The following ZC3H7A variants were observed in gnomAD, a reference collection of about 807,000 sequenced individuals.
ZC3H7A encodes the protein zinc finger CCCH domain-containing protein 7A.
A neutral mutation model predicts 125.5 loss-of-function variants in ZC3H7A; 44 were observed. That is an observed-to-expected ratio of 0.35 (90% CI 0.28 to 0.45). The LOEUF is 0.45. ZC3H7A is among the 20% of genes least tolerant of loss of function. The pLI, the probability that ZC3H7A is intolerant of heterozygous loss-of-function variation, is 1.00. For missense variants in ZC3H7A, 977 were observed against 1,170.7 expected, an observed-to-expected ratio of 0.83 and a Z score of 2.41; for synonymous variants, 399 against 391.2, an observed-to-expected ratio of 1.02 and a Z score of -0.23.
intron 1 of ZC3H7A, among the ~76,000 whole-genome samples, chr16:11,790,978 G>A (rs115954311): frequency 6.6e-6 from 1 of 151,976 alleles, no homozygotes; most frequent in East Asian, 1.9e-4. Context: ...GAGGCTAAGG[G>A]AGGAAGATCG....
intron 2 of ZC3H7A, among the ~76,000 whole-genome samples, 154 bp downstream of exon 2, chr16:11,782,133 A>T (rs2053183057): frequency 6.6e-6 from 1 of 152,232 alleles, no homozygotes; most frequent in Non-Finnish European, 1.5e-5. Flanking sequence ...GTTCAAATGG[A>T]CAAAAGAAAA....
intron 3 of ZC3H7A, among the ~76,000 whole-genome samples, chr16:11,780,289 T>C (rs1284241108): frequency 6.6e-6 from 1 of 151,880 alleles, no homozygotes; most frequent in African/African-American, 2.4e-5. Flanking sequence ...CTCGGCTAAT[T>C]TTTGTATTTT....
intron 1 of ZC3H7A, chr16:11,796,355 T>A (rs1310198334): frequency 6.6e-6 from 1 of 152,250 alleles, no homozygotes; most frequent in Non-Finnish European, 1.5e-5. Flanking sequence ...GTGGCCACCG[T>A]ACTGGGCATG....
chr16:11,789,583 A>G (rs1391454476), intron 1 of ZC3H7A, among the ~76,000 whole-genome samples: 1 of 152,048 alleles, frequency 6.6e-6, no homozygotes, highest in African/African-American at 2.4e-5. Context: ...TTCAAACTGG[A>G]GCTACCAGTG....
At chr16:11,789,009 CACAT>C (rs2053305989) in intron 1 of ZC3H7A, among the ~76,000 whole-genome samples, 1 of 152,126 alleles carries the variant, frequency 6.6e-6, no homozygotes. Flanking sequence ...TACACACACA[CACAT>C]ACACACACAG....
chr16:11,760,122 GAAAAAA>G (rs66812605), intron 19 of ZC3H7A, among the ~76,000 whole-genome samples: 879 of 82,582 alleles, frequency 0.011, 3 homozygotes, highest in Non-Finnish European at 0.014. Flanking sequence ...AAGAAAAAAT[GAAAAAA>G]AAAAAAAAAA....
At chr16:11,769,279 A>G (rs2052925140) in intron 10 of ZC3H7A, among the ~76,000 whole-genome samples, 184 bp from the exon 11 acceptor site, 1 of 152,198 alleles carries the variant, frequency 6.6e-6, no homozygotes, top group South Asian at 2.1e-4. Flanking sequence ...TCTAGAAACC[A>G]AGGGCATAGT....
rs765309239 is a variant in ZC3H7A, at chr16:11,768,996, A to G, written c.1173+35T>C. The G allele has an allele frequency of 3.2e-6, 5 of 1,566,718 alleles. No homozygotes were observed. The African/African-American group carries it at 4.1e-5, about 13-fold the overall frequency. On this transcript the variant is annotated intron_variant, in intron 11 of 22. Transcript: ENST00000355758. ...TACTTAAGTAACTATTTTCAATTCA[A>G]GCGATGTATTTACAAAAGAGGAAGT...
chr16:11,790,987 C>A (rs1315486817), intron 1 of ZC3H7A, among the ~76,000 whole-genome samples: 1 of 151,544 alleles, frequency 6.6e-6, no homozygotes, highest in Non-Finnish European at 1.5e-5. Flanking sequence ...GGAGGAAGAT[C>A]GCTTAAGCCC....
intron 15 of ZC3H7A, among the ~76,000 whole-genome samples, chr16:11,763,896 C>T (rs969285825): frequency 8.0e-5 from 12 of 150,060 alleles, no homozygotes; most frequent in Admixed American, 3.3e-4. Flanking sequence ...CTCCGCCTTC[C>T]GGGTTCACAC....
chr16:11,791,910 T>G (rs114644546), intron 1 of ZC3H7A, among the ~76,000 whole-genome samples: 1 of 152,176 alleles, frequency 6.6e-6, no homozygotes, highest in Non-Finnish European at 1.5e-5. Context: ...GAAGGCACTT[T>G]GTTTTTTTGT....
chr16:11,782,516 G>A, intron 1 of ZC3H7A, 128 bp from the exon 2 acceptor site: 1 of 746,816 alleles, frequency 1.3e-6, no homozygotes. Context: ...TTGACTCCAG[G>A]GTCCTGGACG....
At chr16:11,779,456 A>C in intron 3 of ZC3H7A, 93 bp from the exon 4 acceptor site, 1 of 1,084,452 alleles carries the variant, frequency 9.2e-7, no homozygotes. Flanking sequence ...TTCACAGGAA[A>C]CAATGTGACA....
intron 1 of ZC3H7A, among the ~76,000 whole-genome samples, chr16:11,785,057 C>G (rs2053235632): frequency 6.6e-6 from 1 of 151,936 alleles, no homozygotes; most frequent in Non-Finnish European, 1.5e-5. Context: ...ACTACGGAGG[C>G]TGGGGCAGGA....
intron 20 of ZC3H7A, among the ~76,000 whole-genome samples, chr16:11,757,746 C>T (rs1317456581): frequency 1.3e-5 from 2 of 152,146 alleles, no homozygotes; most frequent in Non-Finnish European, 2.9e-5. Flanking sequence ...CCCAGCAAGA[C>T]AGCTAGAGGG....
rs13338039 is a variant in ZC3H7A, at chr16:11,763,676, G to A, written c.1821-17C>T. The A allele has an allele frequency of 0.097, 135,488 of 1,402,776 alleles. 11,567 individuals are homozygous for A. Among genetic ancestry groups the A allele is most frequent in the African/African-American group, 0.41 (25,015 of 61,108 alleles). The allele number at this position is 1,402,776 out of a possible 1,614,324, so 86.9% of individuals were successfully genotyped here. ...ACAAGGCACCTAAGATGAAAACAGT[G>A]ACATTTTAATATTGTTCTGCCATAG... On this transcript the variant is annotated splice_polypyrimidine_tract_variant and intron_variant, in intron 15 of 22. Transcript: ENST00000355758.
rs7190530 is a variant in ZC3H7A at position 11,762,824 on chromosome 16, G to A, written c.2003-77C>T. On this transcript the variant is annotated intron_variant, in intron 16 of 22. Coordinates refer to ENST00000355758, the MANE Select transcript of ZC3H7A (RefSeq NM_014153.4). Reference sequence around the variant, plus strand: ...CACCAATCTGGGTGCAGTCAGACGTGGAGAACCTTCAGCTTCCAATCTATT... The same window carrying A: ...CACCAATCTGGGTGCAGTCAGACGTAGAGAACCTTCAGCTTCCAATCTATT... The A allele has an allele frequency of 4.8e-4, 668 of 1,397,418 alleles. 4 individuals carry two copies. The African/African-American group carries it at 8.1e-3, about 17-fold the overall frequency. 86.6% of individuals were successfully genotyped at this position (1,397,418 alleles called of 1,614,324 possible).
intron 21 of ZC3H7A, among the ~76,000 whole-genome samples, chr16:11,754,313 G>GAAAA (rs150512321): frequency 1.3e-3 from 155 of 119,810 alleles, no homozygotes; most frequent in African/African-American, 5.0e-3. Context: ...AAAAAAGGAA[G>GAAAA]AAAAAAAAAT....
At chr16:11,768,625 C>T in intron 11 of ZC3H7A, 124 bp from the exon 12 acceptor site, 1 of 837,038 alleles carries the variant, frequency 1.2e-6, no homozygotes, top group African/African-American at 1.7e-5. Context: ...CAGTACTACT[C>T]CATCCTTAAT....
Sources: allele counts gnomAD v4.1 joint callset (sites outside exome capture counted in the v4.1 genomes callset), GRCh38; gene constraint gnomAD v4.1.1; transcripts MANE v1.5; gene names NCBI Gene and HGNC (gene_info 2026-07-23, HGNC 2026-07-21).